STX18: variants seen among roughly 807,000 people sequenced by gnomAD.
The protein encoded by STX18 is syntaxin-18.
A neutral mutation model predicts 50.1 loss-of-function variants in STX18; 40 were observed. The observed-to-expected ratio is 0.80, with a 90% CI of 0.62 to 1.04. The LOEUF is 1.04. Ranked by LOEUF, STX18 falls within the 50% of genes least tolerant of loss-of-function variation. The probability of loss-of-function intolerance (pLI) is 0.00; values close to 1 mark genes in which losing one functional copy is unlikely to be tolerated. For missense variants in STX18, 410 were observed against 415.8 expected (o/e 0.99, Z 0.12); for synonymous variants, 158 against 151.8 (o/e 1.04, Z -0.30).
intron 9 of STX18, among the ~76,000 whole-genome samples, chr4:4,423,279 C>T (rs190676671): frequency 1.3e-5 from 2 of 152,246 alleles, no homozygotes; most frequent in Non-Finnish European, 1.5e-5. Context: ...CATGTGCTAC[C>T]ACATGGGGTG....
intron 5 of STX18, among the ~76,000 whole-genome samples, chr4:4,452,151 C>T (rs1166338052): frequency 1.3e-5 from 2 of 152,148 alleles, no homozygotes; most frequent in Non-Finnish European, 2.9e-5. Flanking sequence ...CCCTAACTCT[C>T]TTCGATTCTG....
intron 1 of STX18, chr4:4,507,856 G>A: frequency 1.6e-6 from 1 of 622,858 alleles, no homozygotes; most frequent in Non-Finnish European, 2.7e-6. Flanking sequence ...GCGGCAGCTA[G>A]CTAGAAAAAT....
In STX18 at chr4:4,420,230, T is replaced by A. The variant is rs1286889734; in HGVS notation, c.913-101A>T. On this transcript the variant is annotated intron_variant, in intron 10 of 10. Coordinates refer to ENST00000306200, the MANE Select transcript of STX18 (RefSeq NM_016930.4). The surrounding 1 kb of genome is among the most constrained non-coding windows in gnomAD (Gnocchi z 4.3). ...TCCCACGTGCTCTCCTGATCCTGGC[T>A]GTAACTATGGGTGTCGTTCCATCTG... 6 of 886,194 alleles carry A rather than the reference T, an allele frequency of 6.8e-6. No individual in the cohort carries two copies. The highest frequency in any genetic ancestry group is 1.1e-5 in the Non-Finnish European group (6 of 560,250). The allele number at this position is 886,194 out of a possible 1,614,324, so 54.9% of individuals were successfully genotyped here.
chr4:4,450,685 G>A (rs76253281), intron 5 of STX18, among the ~76,000 whole-genome samples: 6,006 of 152,120 alleles, frequency 0.039, 178 homozygotes, highest in Non-Finnish European at 0.063. Flanking sequence ...TCTCCAGCAC[G>A]GATCAGTCCC....
chr4:4,427,793 T>A (rs534994855), intron 7 of STX18, among the ~76,000 whole-genome samples: 1 of 152,338 alleles, frequency 6.6e-6, no homozygotes, highest in Non-Finnish European at 1.5e-5. Context: ...GATAGCTCCA[T>A]GTCCGCCCTC....
intron 7 of STX18, chr4:4,425,478 C>A (rs1213660221): frequency 1.7e-6 from 1 of 583,568 alleles, no homozygotes; most frequent in Non-Finnish European, 3.1e-6. Flanking sequence ...GGGGTACAAG[C>A]TGACTGCTAT....
chr4:4,476,323 ATATT>A, intron 1 of STX18, among the ~76,000 whole-genome samples: 1 of 152,346 alleles, frequency 6.6e-6, no homozygotes, highest in African/African-American at 2.4e-5. Context: ...AAGGAATGTA[ATATT>A]TATTTAATGT....
At chr4:4,452,908 T>C (rs1034307862) in intron 5 of STX18, among the ~76,000 whole-genome samples, 1 of 152,128 alleles carries the variant, frequency 6.6e-6, no homozygotes, top group African/African-American at 2.4e-5. Flanking sequence ...TGAATAACTT[T>C]GAGGGGTTCA....
At chr4:4,518,968 T>C (rs1252367747) in intron 1 of STX18, among the ~76,000 whole-genome samples, 2 of 152,188 alleles carry the variant, frequency 1.3e-5, no homozygotes, top group Non-Finnish European at 2.9e-5. Flanking sequence ...CATGATGTTT[T>C]ATGGTTCTTT....
At chr4:4,438,961 ACC>A (rs563327174) in intron 5 of STX18, among the ~76,000 whole-genome samples, 2 of 147,948 alleles carry the variant, frequency 1.4e-5, no homozygotes, top group African/African-American at 5.0e-5. Flanking sequence ...ACACATATAT[ACC>A]CCCAACACAT....
At chr4:4,513,021 T>TATA (rs1553849637) in intron 1 of STX18, among the ~76,000 whole-genome samples, 2 of 152,092 alleles carry the variant, frequency 1.3e-5, no homozygotes, top group Non-Finnish European at 2.9e-5. Context: ...AATCCAGGAA[T>TATA]ATAATAATAA....
At chr4:4,464,954 T>C (rs1727552285) in intron 2 of STX18, among the ~76,000 whole-genome samples, 1 of 152,006 alleles carries the variant, frequency 6.6e-6, no homozygotes, top group African/African-American at 2.4e-5. Flanking sequence ...CTGATCTTGG[T>C]TATTTCTTGT....
chr4:4,454,936 T>C (rs1269670737), intron 5 of STX18, among the ~76,000 whole-genome samples: 1 of 152,252 alleles, frequency 6.6e-6, no homozygotes, highest in African/African-American at 2.4e-5. Flanking sequence ...AATTAACATT[T>C]ATTAACTCAC....
At chr4:4,476,455 C>T (rs1336017866) in intron 1 of STX18, among the ~76,000 whole-genome samples, 1 of 152,168 alleles carries the variant, frequency 6.6e-6, no homozygotes, top group East Asian at 1.9e-4. Flanking sequence ...GGAACTAGAA[C>T]CCTTAACCAT....
At chr4:4,465,090 C>T (rs558679450) in intron 2 of STX18, among the ~76,000 whole-genome samples, 1 of 152,182 alleles carries the variant, frequency 6.6e-6, no homozygotes, top group East Asian at 1.9e-4. Context: ...TCCCTTTTAA[C>T]ACTGTGTTAG....
At chr4:4,480,461 T>C (rs1728403455) in intron 1 of STX18, among the ~76,000 whole-genome samples, 1 of 152,158 alleles carries the variant, frequency 6.6e-6, no homozygotes, top group Admixed American at 6.5e-5. Context: ...TCACACCTCC[T>C]AAAGGCTTCC....
intron 1 of STX18, among the ~76,000 whole-genome samples, chr4:4,540,602 C>T (rs548734247): frequency 6.6e-6 from 1 of 152,200 alleles, no homozygotes; most frequent in African/African-American, 2.4e-5. Context: ...CTACACAACA[C>T]CTGCAAGGCT....
intron 1 of STX18, among the ~76,000 whole-genome samples, chr4:4,521,657 T>C (rs902065399): frequency 6.6e-6 from 1 of 152,108 alleles, no homozygotes; most frequent in Non-Finnish European, 1.5e-5. Flanking sequence ...GATCAAATAT[T>C]TGTAGTTGTC....
In STX18 at chr4:4,420,724, C is replaced by T. The variant is rs114917230; in HGVS notation, c.912+140G>A. The T allele has an allele frequency of 1.3e-3, 977 of 745,984 alleles. 3 individuals carry two copies. The highest frequency in any genetic ancestry group is 0.012 in the African/African-American group (694 of 57,260). 46.2% of individuals were successfully genotyped at this position (745,984 alleles called of 1,614,324 possible). On this transcript the variant is annotated intron_variant, in intron 10 of 10. Coordinates refer to ENST00000306200, the MANE Select transcript of STX18 (RefSeq NM_016930.4). The surrounding 1 kb of genome is among the most constrained non-coding windows in gnomAD (Gnocchi z 4.3). The stretch of plus-strand genomic sequence containing the variant: ...TGGGTCTCATGAACACACGCAGCTC[C>T]GCGGTCACACAATTTTGTGATCAGC...
Sources: gnomAD v4.1 joint callset for allele counts (sites outside exome capture counted in the v4.1 genomes callset) on GRCh38, gnomAD v4.1.1 for gene constraint, Gnocchi (gnomAD v3.1) non-coding constraint, MANE v1.5 for transcripts, NCBI Gene and HGNC (gene_info 2026-07-23, HGNC 2026-07-21) for gene names.